The following PTPRA variants were observed in gnomAD, a reference collection of about 807,000 sequenced individuals.
PTPRA encodes protein tyrosine phosphatase receptor type A.
PTPRA carries 25 observed loss-of-function variants against 104.8 expected under a neutral mutation model. That is an observed-to-expected ratio of 0.24 (90% CI 0.17 to 0.33). PTPRA has a LOEUF of 0.33. Ranked by LOEUF, PTPRA falls within the 10% of genes least tolerant of loss-of-function variation. The pLI, the probability that PTPRA is intolerant of heterozygous loss-of-function variation, is 1.00. For missense variants in PTPRA, 765 were observed against 1,015.3 expected, an observed-to-expected ratio of 0.75 and a Z score of 3.35; for synonymous variants, 323 against 368.9, an observed-to-expected ratio of 0.88 and a Z score of 1.43.
Position 2,894,230 on chromosome 20 carries a change from A to G in PTPRA, c.-129+20470A>G, listed in dbSNP as rs569487140. Among the ~76,000 whole-genome samples the G allele has an allele frequency of 3.3e-5, 5 of 152,340 alleles. No individual in the cohort carries two copies. The East Asian group carries it at 9.6e-4, about 29-fold the overall frequency. On this transcript the variant is annotated intron_variant, in intron 1 of 23. Coordinates refer to ENST00000399903, the MANE Select transcript of PTPRA (RefSeq NM_001385305.1). Reference sequence around the variant, plus strand: ...CTTTTCGATTTTAAAACTGGAGAATACATTAAAACCAGAAACTTTCAGCCT... The same window carrying G: ...CTTTTCGATTTTAAAACTGGAGAATGCATTAAAACCAGAAACTTTCAGCCT...
intron 5 of PTPRA, among the ~76,000 whole-genome samples, chr20:2,966,485 G>T (rs1301625002): frequency 6.6e-6 from 1 of 152,162 alleles, no homozygotes; most frequent in Non-Finnish European, 1.5e-5. Flanking sequence ...TTATTGCTCT[G>T]ATAGTTACCA....
At chr20:2,910,360 A>ATATAT (rs2059645826) in intron 1 of PTPRA, among the ~76,000 whole-genome samples, 1 of 120,412 alleles carries the variant, frequency 8.3e-6, no homozygotes, top group African/African-American at 3.6e-5. Flanking sequence ...TATATATTTT[A>ATATAT]TATATAATAT....
intron 2 of PTPRA, among the ~76,000 whole-genome samples, chr20:2,934,630 T>A (rs2060623948): frequency 3.3e-5 from 5 of 151,920 alleles, no homozygotes; most frequent in Admixed American, 3.3e-4. Context: ...GTAGTACAGG[T>A]TCCCAGGTAT....
At chr20:2,920,780 G>T (rs1422640333) in intron 1 of PTPRA, among the ~76,000 whole-genome samples, 2 of 151,922 alleles carry the variant, frequency 1.3e-5, no homozygotes, top group Non-Finnish European at 2.9e-5. Flanking sequence ...CGGGAGGAAA[G>T]GGGGGAAAGT....
At chr20:2,864,608 A>G in the PTPRA span, 5 of 1,614,040 alleles carry the variant, frequency 3.1e-6, no homozygotes, top group African/African-American at 2.7e-5. This position sits in a 1 kb window ranked among gnomAD's most constrained non-coding sequence, Gnocchi z 5.2. Flanking sequence ...GACAATCACC[A>G]GGAATTGGGC....
At chr20:2,922,400 C>T (rs1395735534) in intron 1 of PTPRA, among the ~76,000 whole-genome samples, 1 of 152,168 alleles carries the variant, frequency 6.6e-6, no homozygotes, top group Non-Finnish European at 1.5e-5. Flanking sequence ...AGTACACTGT[C>T]ACGATCTCGG....
At chr20:2,956,349 T>C (rs2061534606) in intron 3 of PTPRA, among the ~76,000 whole-genome samples, 1 of 152,212 alleles carries the variant, frequency 6.6e-6, no homozygotes, top group Non-Finnish European at 1.5e-5. Context: ...CTTCATGATA[T>C]GATCGCTGCC....
At chr20:3,024,726 G>A (rs532287742) in intron 17 of PTPRA, 105 bp downstream of exon 17, 2 of 1,365,352 alleles carry the variant, frequency 1.5e-6, no homozygotes, top group East Asian at 2.3e-5. Context: ...CCCTTGTGAG[G>A]CATGCCAGTG....
At chr20:2,893,013 T>A (rs2058859685) in intron 1 of PTPRA, among the ~76,000 whole-genome samples, 1 of 152,240 alleles carries the variant, frequency 6.6e-6, no homozygotes, top group Non-Finnish European at 1.5e-5. Context: ...CTGTCAATTC[T>A]GTCTTAATTG....
chr20:2,948,635 A>G (rs770566876), intron 3 of PTPRA, among the ~76,000 whole-genome samples: 3 of 152,136 alleles, frequency 2.0e-5, no homozygotes, highest in Admixed American at 6.5e-5. Context: ...GCCATTTTCT[A>G]TAGCACCAGT....
intron 1 of PTPRA, among the ~76,000 whole-genome samples, chr20:2,913,114 GC>G (rs1278864519): frequency 1.3e-5 from 2 of 152,094 alleles, no homozygotes; most frequent in Non-Finnish European, 2.9e-5. Context: ...GGTGGCTCAC[GC>G]CTGTAATCCC....
intron 9 of PTPRA, among the ~76,000 whole-genome samples, chr20:3,002,365 T>A (rs1436021934): frequency 6.8e-6 from 1 of 146,266 alleles, no homozygotes; most frequent in Non-Finnish European, 1.5e-5. Flanking sequence ...TTGCTCTTTC[T>A]GCCCAGGCTG....
chr20:2,985,304 A>G (rs2062852846), intron 6 of PTPRA, among the ~76,000 whole-genome samples: 1 of 152,222 alleles, frequency 6.6e-6, no homozygotes, highest in African/African-American at 2.4e-5. Flanking sequence ...CGAATTAGAC[A>G]ACTGTGTTTC....
chr20:2,929,578 A>G (rs1478738304), intron 2 of PTPRA, among the ~76,000 whole-genome samples: 1 of 152,052 alleles, frequency 6.6e-6, no homozygotes, highest in Non-Finnish European at 1.5e-5. Flanking sequence ...TAATCTTAGT[A>G]CTTTGGGTGG....
Position 2,950,629 on chromosome 20 carries a change from C to T in PTPRA, c.-7+2605C>T, listed in dbSNP as rs1482614965. 3.3e-5 allele frequency among the ~76,000 whole-genome samples: 5 copies of T among 150,600 alleles called. No individual in the cohort carries two copies. The highest frequency in any genetic ancestry group is 1.3e-4 in the Admixed American group (2 of 15,080). On this transcript the variant is annotated intron_variant, in intron 3 of 23. Transcript: ENST00000399903. The surrounding 1 kb of genome is among the most constrained non-coding windows in gnomAD (Gnocchi z 4.0). ...CTGCACTCCAGCCTGGGCGACAGAG[C>T]GAGACTCCATCTCAAAAAAAAAAAA...
At chr20:2,927,301 C>G (rs902146223) in intron 2 of PTPRA, among the ~76,000 whole-genome samples, 3 of 152,296 alleles carry the variant, frequency 2.0e-5, no homozygotes, top group African/African-American at 7.2e-5. Flanking sequence ...GGTTCAATGT[C>G]ATAGACCCTG....
chr20:2,999,164 T>C (rs1367921651), intron 9 of PTPRA, among the ~76,000 whole-genome samples: 1 of 152,070 alleles, frequency 6.6e-6, no homozygotes, highest in Non-Finnish European at 1.5e-5. Context: ...TAGGAATGGA[T>C]TTAACAATTT....
intron 3 of PTPRA, among the ~76,000 whole-genome samples, chr20:2,949,834 C>A (rs2061294107): frequency 6.6e-6 from 1 of 151,906 alleles, no homozygotes. Context: ...GCATTTTCTA[C>A]ATCAGTTGAA....
At chr20:3,003,199 C>T (rs938920065) in intron 9 of PTPRA, among the ~76,000 whole-genome samples, 7 of 152,130 alleles carry the variant, frequency 4.6e-5, no homozygotes, top group African/African-American at 9.7e-5. Flanking sequence ...TCCTTGAGGG[C>T]GAGAACTGCA....
Sources: allele counts gnomAD v4.1 joint callset (sites outside exome capture counted in the v4.1 genomes callset), GRCh38; gene constraint gnomAD v4.1.1; non-coding constraint Gnocchi (gnomAD v3.1); transcripts MANE v1.5; gene names NCBI Gene and HGNC (gene_info 2026-07-23, HGNC 2026-07-21).